RAD51B: variants seen among roughly 807,000 people sequenced by gnomAD.
RAD51B encodes the protein RAD51 paralog B.
In RAD51B, 38 loss-of-function variants were observed where a neutral mutation model predicts 42.2. The ratio of observed to expected loss-of-function variants is 0.90; its 90% CI spans 0.70 to 1.18. The LOEUF (loss-of-function observed/expected upper bound fraction) is 1.18, where lower values mean the gene tolerates loss of function less well. Among genes scored for constraint, RAD51B ranks in the 50% most tolerant of loss-of-function variants. The pLI is 0.00. For missense variants in RAD51B, 373 were observed against 400.7 expected, an observed-to-expected ratio of 0.93 and a Z score of 0.59; for synonymous variants, 154 against 145.2, an observed-to-expected ratio of 1.06 and a Z score of -0.43.
chr14:68,648,108 CACACGT>C (rs1892613715), intron 10 of RAD51B, among the ~76,000 whole-genome samples: 1 of 22,964 alleles, frequency 4.4e-5, no homozygotes, highest in Non-Finnish European at 8.3e-5. Flanking sequence ...TATATATACA[CACACGT>C]ATATATATAT....
chr14:68,567,380 T>G (rs988074673), intron 10 of RAD51B, among the ~76,000 whole-genome samples: 1 of 151,758 alleles, frequency 6.6e-6, no homozygotes, highest in African/African-American at 2.4e-5. Flanking sequence ...GCACAGAGAG[T>G]TCTCATATAC....
chr14:67,881,013 C>T (rs962676809), intron 5 of RAD51B, among the ~76,000 whole-genome samples: 4 of 152,142 alleles, frequency 2.6e-5, no homozygotes, highest in Non-Finnish European at 4.4e-5. Context: ...TAGCCTACTG[C>T]GCACCTAGAC....
At chr14:68,502,470 T>C (rs1884994823) in intron 10 of RAD51B, among the ~76,000 whole-genome samples, 2 of 152,004 alleles carry the variant, frequency 1.3e-5, no homozygotes, top group African/African-American at 2.4e-5. Flanking sequence ...CCAACACAGA[T>C]GCACATTGCA....
chr14:68,541,910 A>G, intron 10 of RAD51B: 1 of 906,958 alleles, frequency 1.1e-6, no homozygotes, highest in Non-Finnish European at 1.3e-6. Context: ...TCTATTTTGT[A>G]TAGAAGTGGT....
At chr14:68,034,756 G>A (rs1021946460) in intron 7 of RAD51B, among the ~76,000 whole-genome samples, 8 of 152,030 alleles carry the variant, frequency 5.3e-5, no homozygotes, top group Admixed American at 1.3e-4. Flanking sequence ...TTACCCAGAC[G>A]AAGATTATAT....
intron 10 of RAD51B, among the ~76,000 whole-genome samples, chr14:68,519,655 T>G (rs141191440): frequency 6.6e-6 from 1 of 152,348 alleles, no homozygotes; most frequent in East Asian, 1.9e-4. Flanking sequence ...CAAGACAGCA[T>G]GAGCAAATGC....
At chr14:68,657,031 T>C (rs1202717050) in intron 11 of RAD51B, among the ~76,000 whole-genome samples, 1 of 152,172 alleles carries the variant, frequency 6.6e-6, no homozygotes, top group Non-Finnish European at 1.5e-5. Flanking sequence ...GCCTTTGACT[T>C]TCTACATAGA....
At chr14:68,610,227 C>T (rs1420781283) in intron 10 of RAD51B, among the ~76,000 whole-genome samples, 1 of 152,172 alleles carries the variant, frequency 6.6e-6, no homozygotes, top group Non-Finnish European at 1.5e-5. Context: ...CCAGCATTCT[C>T]TTCATCTCTT....
In RAD51B at chr14:68,601,170, G is replaced by A. The variant is rs551973382; in HGVS notation, c.1037-9836G>A. On this transcript the variant is annotated intron_variant, in intron 10 of 10. Transcript: ENST00000487861. Reference sequence around the variant, plus strand: ...CAAGATCCCTCTGGGATTATCTTGCGGCCACTCTCTGAAGCCTTGGACCCT... The same window carrying A: ...CAAGATCCCTCTGGGATTATCTTGCAGCCACTCTCTGAAGCCTTGGACCCT... Among the ~76,000 whole-genome samples, 7 of 152,184 alleles carry A rather than the reference G, an allele frequency of 4.6e-5. No homozygotes were observed. In the East Asian group the frequency reaches 7.7e-4, roughly 17 times the overall value.
Position 68,087,895 on chromosome 14 carries a change from ATTAT to A in RAD51B, c.756+200696_756+200699del, listed in dbSNP as rs1226640226. ...TATTATTTATATAATTATATAATAT[ATTAT>A]TTATATAATTATATAATATATTATA... On this transcript the variant is annotated intron_variant, in intron 7 of 10. Transcript: ENST00000471583. 8.7e-3 allele frequency among the ~76,000 whole-genome samples: 1,037 copies of A among 118,760 alleles called. 22 individuals carry two copies. The highest frequency in any genetic ancestry group is 0.033 in the African/African-American group (904 of 27,724). The allele number at this position is 118,760 out of a possible 152,430, so 77.9% of individuals were successfully genotyped here.
intron 10 of RAD51B, among the ~76,000 whole-genome samples, chr14:68,572,731 G>C (rs1206591330): frequency 6.6e-6 from 1 of 152,118 alleles, no homozygotes; most frequent in Non-Finnish European, 1.5e-5. Context: ...CTTCTAGGTG[G>C]TGACTTCAAT....
chr14:67,942,829 T>C (rs1319281032), intron 7 of RAD51B, among the ~76,000 whole-genome samples: 1 of 152,200 alleles, frequency 6.6e-6, no homozygotes, highest in Non-Finnish European at 1.5e-5. Context: ...CTTAAAAATA[T>C]GATGTCTGAA....
intron 7 of RAD51B, among the ~76,000 whole-genome samples, chr14:67,935,441 T>A (rs1032531100): frequency 6.6e-6 from 1 of 152,208 alleles, no homozygotes; most frequent in Admixed American, 6.5e-5. Flanking sequence ...TATAGCTCAC[T>A]GCAGCTTTCA....
chr14:68,430,412 C>G (rs1039843203), intron 9 of RAD51B, among the ~76,000 whole-genome samples: 2 of 152,186 alleles, frequency 1.3e-5, no homozygotes, highest in African/African-American at 4.8e-5. Context: ...TTTGTGTCCT[C>G]TTTTATTTCA....
At chr14:68,067,232 G>A (rs1465084588) in intron 7 of RAD51B, among the ~76,000 whole-genome samples, 1 of 152,124 alleles carries the variant, frequency 6.6e-6, no homozygotes, top group Non-Finnish European at 1.5e-5. Flanking sequence ...GGAGGCCGAG[G>A]TGGGCAGATC....
chr14:68,467,803 A>T (rs1205827468), intron 9 of RAD51B, among the ~76,000 whole-genome samples: 2 of 152,360 alleles, frequency 1.3e-5, no homozygotes, highest in Middle Eastern at 3.4e-3. Context: ...GTAGCTTTGA[A>T]TTTTTTTAGT....
intron 11 of RAD51B, among the ~76,000 whole-genome samples, chr14:68,660,567 C>G (rs1226589315): frequency 6.6e-6 from 1 of 152,184 alleles, no homozygotes; most frequent in Non-Finnish European, 1.5e-5. Flanking sequence ...TGGTGCAGAG[C>G]CTGGGCAGAC....
chr14:68,485,999 A>C (rs1475209295), intron 10 of RAD51B, among the ~76,000 whole-genome samples: 8 of 152,246 alleles, frequency 5.3e-5, no homozygotes, highest in Admixed American at 5.2e-4. Context: ...TTTACCATTT[A>C]TTCATTAGAT....
Position 68,502,296 on chromosome 14 carries a change from C to T in RAD51B, c.1036+34046C>T, listed in dbSNP as rs58958026. 8.7e-3 allele frequency among the ~76,000 whole-genome samples: 1,322 copies of T among 152,296 alleles called. 20 individuals carry two copies. Among genetic ancestry groups the T allele is most frequent in the African/African-American group, 0.029 (1,205 of 41,568 alleles). ...TGAACAGAACTTTCCACCTGAGAGA[C>T]GCTGGAGATGGGAGGTCAGGCTGCA... On this transcript the variant is annotated intron_variant, in intron 10 of 10. Transcript: ENST00000487270.
Sources: allele counts gnomAD v4.1 joint callset (sites outside exome capture counted in the v4.1 genomes callset), GRCh38; gene constraint gnomAD v4.1.1; transcripts MANE v1.5; gene names NCBI Gene and HGNC (gene_info 2026-07-23, HGNC 2026-07-21).